The following LRP2BP variants were observed in gnomAD, a reference collection of about 807,000 sequenced individuals.
The protein encoded by LRP2BP is LRP2-binding protein.
LRP2BP carries 38 observed loss-of-function variants against 45.2 expected under a neutral mutation model. The observed-to-expected ratio is 0.84, with a 90% CI of 0.65 to 1.10. The LOEUF is 1.10. Ranked by LOEUF, LRP2BP falls within the 50% of genes least tolerant of loss-of-function variation. The pLI, the probability that LRP2BP is intolerant of heterozygous loss-of-function variation, is 0.00. For synonymous variants in LRP2BP, 153 were observed against 153.9 expected (o/e 0.99, Z 0.04); for missense variants, 385 against 418.9 (o/e 0.92, Z 0.71).
chr4:185,389,268 G>A (rs2095481552), intron 1 of LRP2BP, among the ~76,000 whole-genome samples: 1 of 151,704 alleles, frequency 6.6e-6, no homozygotes, highest in African/African-American at 2.4e-5. Flanking sequence ...GAGTGCAATG[G>A]CGCAATCTTG....
chr4:185,386,417 A>G (rs1026391915), intron 1 of LRP2BP, among the ~76,000 whole-genome samples: 11 of 152,260 alleles, frequency 7.2e-5, no homozygotes, highest in African/African-American at 2.4e-4. Context: ...ATAAGTGTCT[A>G]TGACCTATAT....
intron 8 of LRP2BP, 59 bp downstream of exon 8, chr4:185,370,581 G>T: frequency 1.9e-6 from 3 of 1,546,558 alleles, no homozygotes; most frequent in Non-Finnish European, 2.7e-6. Flanking sequence ...TATTCAAGTT[G>T]CAGCTAAAAG....
intron 8 of LRP2BP, among the ~76,000 whole-genome samples, chr4:185,368,494 G>C (rs549772783): frequency 6.6e-6 from 1 of 151,964 alleles, no homozygotes; most frequent in African/African-American, 2.4e-5. Flanking sequence ...CCCTTCCTGC[G>C]GGACACTGCC....
chr4:185,387,862 G>A (rs1580009610), intron 1 of LRP2BP, among the ~76,000 whole-genome samples: 1 of 152,298 alleles, frequency 6.6e-6, no homozygotes, highest in Non-Finnish European at 1.5e-5. Flanking sequence ...TGCCTTGAAA[G>A]CTCTCTCCCA....
At chr4:185,380,263 TTA>T (rs2095451948) in intron 1 of LRP2BP, among the ~76,000 whole-genome samples, 1 of 152,228 alleles carries the variant, frequency 6.6e-6, no homozygotes, top group Non-Finnish European at 1.5e-5. Flanking sequence ...CAGGGATAAT[TTA>T]TTTGTGTTTG....
intron 2 of LRP2BP, 116 bp from the exon 3 acceptor site, chr4:185,377,134 C>T (rs1176616908): frequency 2.6e-6 from 2 of 767,458 alleles, no homozygotes; most frequent in African/African-American, 1.7e-5. Flanking sequence ...TTCTAGTGCT[C>T]ATTCCTACAA....
intron 4 of LRP2BP, 97 bp downstream of exon 4, chr4:185,375,516 G>GTATA (rs775935216): frequency 0.038 from 1,780 of 46,690 alleles, 168 homozygotes; most frequent in African/African-American, 0.14. Flanking sequence ...ATATATATAT[G>GTATA]TATATATATA....
chr4:185,371,342 A>G (rs187850009), intron 7 of LRP2BP, among the ~76,000 whole-genome samples: 32 of 152,186 alleles, frequency 2.1e-4, no homozygotes, highest in Non-Finnish European at 4.0e-4. Context: ...GATTGAGACC[A>G]TCCTGGCTAA....
Position 185,367,255 on chromosome 4 carries a change from A to G in LRP2BP, c.979-10T>C, listed in dbSNP as rs763899222. On this transcript the variant is annotated splice_polypyrimidine_tract_variant and intron_variant, in intron 8 of 8. Transcript: ENST00000505916. ...GATTCAGACGACAAGCCTTAAAATC[A>G]AAAAGAGTCAGATATTTAGATACAT... 6.2e-7 allele frequency: 1 copy of G among 1,610,090 alleles called. No individual in the cohort carries two copies. Among genetic ancestry groups the G allele is most frequent in the South Asian group, 1.1e-5 (1 of 90,470 alleles).
At position 185,371,561 on chromosome 4, in the gene LRP2BP, A is replaced by T. The variant is rs79617325; in HGVS notation, c.804-747T>A. 3.6e-4 allele frequency among the ~76,000 whole-genome samples: 54 copies of T among 150,694 alleles called. 1 individual carries two copies. Among genetic ancestry groups the T allele is most frequent in the African/African-American group, 7.4e-4 (30 of 40,716 alleles). On this transcript the variant is annotated intron_variant, in intron 7 of 8. Coordinates refer to ENST00000505916, the MANE Select transcript of LRP2BP (RefSeq NM_001377440.1). ...CGTCTAAAAAAAAAAAAAAAAAAAA[A>T]AAGGATAATGGAAAGAAGTCATCCT...
chr4:185,377,053 C>T (rs2095440512), intron 2 of LRP2BP, 35 bp from the exon 3 acceptor site: 2 of 1,382,600 alleles, frequency 1.4e-6, no homozygotes, highest in East Asian at 2.3e-5. Flanking sequence ...CCATCAACCA[C>T]ACAATATGAA....
chr4:185,390,865 C>T (rs2095486586), intron 1 of LRP2BP: 1 of 152,206 alleles, frequency 6.6e-6, no homozygotes, highest in Non-Finnish European at 1.5e-5. Flanking sequence ...CACAGAGTGT[C>T]CCTCAGTGTC....
intron 1 of LRP2BP, among the ~76,000 whole-genome samples, chr4:185,389,744 TCCTTA>T (rs752284495): frequency 1.1e-4 from 16 of 152,312 alleles, no homozygotes; most frequent in African/African-American, 3.4e-4. Flanking sequence ...TCATCTGCAG[TCCTTA>T]CCTTCTTTAA....
At chr4:185,396,788 G>T (rs2095504489), upstream of LRP2BP, 2 of 953,548 alleles carry the variant, frequency 2.1e-6, no homozygotes, top group African/African-American at 3.2e-5. Flanking sequence ...GCTGCCAAGG[G>T]CCGGCCCGGA....
chr4:185,388,621 TGAAA>T (rs1399206785), intron 1 of LRP2BP, among the ~76,000 whole-genome samples: 1 of 152,200 alleles, frequency 6.6e-6, no homozygotes, highest in Non-Finnish European at 1.5e-5. Context: ...TCACAGCAGT[TGAAA>T]GAAAATGTTT....
chr4:185,384,811 A>T (rs927471821), intron 1 of LRP2BP, among the ~76,000 whole-genome samples: 5 of 152,136 alleles, frequency 3.3e-5, no homozygotes, highest in African/African-American at 1.2e-4. Flanking sequence ...AAATTAGAAG[A>T]GAATAACTTA....
intron 6 of LRP2BP, 62 bp downstream of exon 6, chr4:185,374,073 A>T (rs2095425078): frequency 7.4e-7 from 1 of 1,352,574 alleles, no homozygotes; most frequent in Admixed American, 1.9e-5. Context: ...TTTCTCAAAA[A>T]AAGCAGTGAA....
intron 8 of LRP2BP, chr4:185,369,882 G>A (rs1273028635): frequency 1.1e-5 from 4 of 366,074 alleles, no homozygotes; most frequent in African/African-American, 4.3e-5. Flanking sequence ...AACCACTGCT[G>A]TAATATCAGA....
At chr4:185,382,384 G>A (rs975654883) in intron 1 of LRP2BP, among the ~76,000 whole-genome samples, 24 of 152,200 alleles carry the variant, frequency 1.6e-4, no homozygotes, top group African/African-American at 5.3e-4. Flanking sequence ...TATGTACCTA[G>A]GAGTGGAATT....
Sources: gnomAD v4.1 joint callset for allele counts (sites outside exome capture counted in the v4.1 genomes callset) on GRCh38, gnomAD v4.1.1 for gene constraint, MANE v1.5 for transcripts, NCBI Gene and HGNC (gene_info 2026-07-23, HGNC 2026-07-21) for gene names.